Variants in NHSL1 observed in about 807,000 individuals in gnomAD.
The protein encoded by NHSL1 is NHS-like protein 1.
NHSL1 carries 48 observed loss-of-function variants against 95.0 expected under a neutral mutation model. The ratio of observed to expected loss-of-function variants is 0.51; its 90% confidence interval spans 0.40 to 0.64. The LOEUF (loss-of-function observed/expected upper bound fraction) is 0.64. Among genes scored for constraint, NHSL1 ranks in the 30% least tolerant of loss-of-function variants. The pLI is 0.00. For missense variants in NHSL1, 1,971 were observed against 2,077.7 expected, an observed-to-expected ratio of 0.95 and a Z score of 1.00; for synonymous variants, 783 against 833.9, an observed-to-expected ratio of 0.94 and a Z score of 1.05.
upstream of NHSL1, among the ~76,000 whole-genome samples, chr6:138,504,407 G>A (rs1307118550): frequency 2.0e-5 from 3 of 152,150 alleles, no homozygotes; most frequent in East Asian, 5.8e-4. Flanking sequence ...TAAGTCTAGC[G>A]AGAGAGAGAT....
chr6:138,496,126 A>G, intron 2 of NHSL1, 93 bp downstream of exon 2: 1 of 1,317,556 alleles, frequency 7.6e-7, no homozygotes, highest in African/African-American at 1.5e-5. Context: ...TACATTCAAT[A>G]AAAGTAGAGC....
chr6:138,628,035 G>A lies in NHSL1; in HGVS notation c.96+64441C>T, dbSNP rs116405460. Among the ~76,000 whole-genome samples, 489 of 151,468 alleles carry A rather than the reference G, an allele frequency of 3.2e-3. 1 individual carries two copies. The highest frequency in any genetic ancestry group is 0.011 in the African/African-American group (448 of 41,176). On this transcript the variant is annotated intron_variant, in intron 1 of 3. Coordinates refer to the NHSL1 transcript ENST00000491526. ...ATATACGTAAAACGTATATCCAGCC[G>A]GGCGAGGTGGCTCATGCCTATAATC...
chr6:138,640,498 T>C (rs1784945808), intron 1 of NHSL1, among the ~76,000 whole-genome samples: 1 of 152,034 alleles, frequency 6.6e-6, no homozygotes, highest in Non-Finnish European at 1.5e-5. Context: ...CTCCTCCTCA[T>C]CCTCCTCAGA....
At chr6:138,545,544 G>T in intron 1 of NHSL1, 1 of 1,049,146 alleles carries the variant, frequency 9.5e-7, no homozygotes, top group Non-Finnish European at 1.3e-6. Flanking sequence ...AATCAGCTCT[G>T]TGATTTAGAC....
At chr6:138,490,591 T>C (rs368376868) in intron 2 of NHSL1, among the ~76,000 whole-genome samples, 249 of 152,232 alleles carry the variant, frequency 1.6e-3, no homozygotes, top group African/African-American at 5.8e-3. Context: ...GAAATCTGGC[T>C]GGAACAACTT....
chr6:138,620,492 G>C (rs368286053), intron 1 of NHSL1, among the ~76,000 whole-genome samples: 6 of 152,148 alleles, frequency 3.9e-5, no homozygotes, highest in African/African-American at 1.4e-4. Context: ...GAAATATGAC[G>C]AAGTCAAAAA....
chr6:138,613,344 A>C (rs1490841716), intron 1 of NHSL1, among the ~76,000 whole-genome samples: 1 of 152,160 alleles, frequency 6.6e-6, no homozygotes, highest in Non-Finnish European at 1.5e-5. Context: ...ACGGATGTGT[A>C]TTAGAAGCAC....
intron 1 of NHSL1, among the ~76,000 whole-genome samples, chr6:138,589,991 C>T (rs921554767): frequency 1.7e-4 from 26 of 150,696 alleles, no homozygotes; most frequent in African/African-American, 6.0e-4. Context: ...TACAATATTT[C>T]TACTCTTTTA....
chr6:138,506,814 T>G (rs1780985424), intron 1 of NHSL1, among the ~76,000 whole-genome samples: 1 of 152,196 alleles, frequency 6.6e-6, no homozygotes, highest in Admixed American at 6.5e-5. Context: ...ACAATTATAA[T>G]TTATAATGTT....
At chr6:138,677,483 G>A (rs974761610) in intron 1 of NHSL1, among the ~76,000 whole-genome samples, 2 of 152,122 alleles carry the variant, frequency 1.3e-5, no homozygotes, top group African/African-American at 4.8e-5. Flanking sequence ...AAATAGTGAA[G>A]GCCTGCTACC....
At chr6:138,639,456 G>A (rs1463125023) in intron 1 of NHSL1, among the ~76,000 whole-genome samples, 3 of 151,862 alleles carry the variant, frequency 2.0e-5, no homozygotes, top group Admixed American at 6.6e-5. Flanking sequence ...GGCTAGCACG[G>A]TGAAACCCCG....
intron 1 of NHSL1, among the ~76,000 whole-genome samples, 178 bp from the exon 2 acceptor site, chr6:138,496,549 A>T (rs1780365702): frequency 6.6e-6 from 1 of 152,174 alleles, no homozygotes; most frequent in African/African-American, 2.4e-5. Context: ...ACAGTGTTTT[A>T]CTTATAAAAG....
At chr6:138,637,164 T>C (rs1166072336) in intron 1 of NHSL1, among the ~76,000 whole-genome samples, 1 of 152,098 alleles carries the variant, frequency 6.6e-6, no homozygotes, top group African/African-American at 2.4e-5. Flanking sequence ...GTCTCTTCAA[T>C]AAATGGCGCT....
In NHSL1 at chr6:138,433,325, C is replaced by T; in HGVS notation, c.1020G>A (p.Arg340=). ...ARANIQSLEP[R]LGALGPAGDM... ...CTCCTGCAGGGCCGAGGGCACCCAGCCTCGGCTCAAGGGACTGAATGTTTG... is the reference window on the plus strand; with the variant it reads ...CTCCTGCAGGGCCGAGGGCACCCAGTCTCGGCTCAAGGGACTGAATGTTTG... Residue 340 remains arginine (R), a synonymous_variant, in exon 6 of 8, where the codon AGG becomes AGA. Coordinates refer to ENST00000343505, the MANE Select transcript of NHSL1 (RefSeq NM_001144060.2). The T allele has an allele frequency of 1.9e-6, 3 of 1,551,948 alleles. No homozygotes were observed. Among genetic ancestry groups the T allele is most frequent in the Non-Finnish European group, 2.6e-6 (3 of 1,147,026 alleles).
At chr6:138,650,441 C>T (rs1275771689) in intron 1 of NHSL1, 3 of 1,330,680 alleles carry the variant, frequency 2.3e-6, no homozygotes, top group African/African-American at 2.9e-5. Flanking sequence ...CAATCCCTGT[C>T]AAGCATTTGG....
intron 3 of NHSL1, among the ~76,000 whole-genome samples, chr6:138,452,103 T>C (rs1427115796): frequency 2.0e-5 from 3 of 152,232 alleles, no homozygotes; most frequent in African/African-American, 4.8e-5. Context: ...ATCTGTCAGT[T>C]GGTCAATAAT....
chr6:138,562,770 C>T (rs1367983222), intron 1 of NHSL1, among the ~76,000 whole-genome samples: 1 of 152,048 alleles, frequency 6.6e-6, no homozygotes, highest in Non-Finnish European at 1.5e-5. Context: ...TTCTCGGTTA[C>T]GACAGCCCCT....
rs1343782049 is a variant in NHSL1 at position 138,602,717 on chromosome 6, A to AT, written c.96+89758dup. Among the ~76,000 whole-genome samples, 7 of 152,124 alleles carry AT rather than the reference A, an allele frequency of 4.6e-5. No homozygotes were observed. In the East Asian group the frequency reaches 1.4e-3, roughly 29 times the overall value. On this transcript the variant is annotated intron_variant, in intron 1 of 3. Coordinates refer to the NHSL1 transcript ENST00000491526. The stretch of plus-strand genomic sequence containing the variant: ...GATTTACAAATGTTTGTTTCATCTA[A>AT]TTTTTTTTCCCAACAATATGGGGCA...
intron 1 of NHSL1, among the ~76,000 whole-genome samples, chr6:138,533,069 C>T (rs1286880523): frequency 2.0e-5 from 3 of 152,136 alleles, no homozygotes; most frequent in Non-Finnish European, 4.4e-5. Context: ...TAATAATCAA[C>T]TCGCTTAAAT....
Sources: allele counts gnomAD v4.1 joint callset (sites outside exome capture counted in the v4.1 genomes callset), GRCh38; gene constraint gnomAD v4.1.1; transcripts MANE v1.5; gene names NCBI Gene and HGNC (gene_info 2026-07-23, HGNC 2026-07-21).